Variants in WDR59 observed in about 807,000 individuals in gnomAD.
WDR59 encodes GATOR2 complex protein WDR59.
WDR59 carries 100 observed loss-of-function variants against 131.2 expected under a neutral mutation model. That is an observed-to-expected ratio of 0.76 (90% CI 0.65 to 0.90). The LOEUF is 0.90. Ranked by LOEUF, WDR59 falls within the 40% of genes least tolerant of loss-of-function variation. The pLI, the probability that WDR59 is intolerant of heterozygous loss-of-function variation, is 0.00. For synonymous variants in WDR59, 601 were observed against 466.2 expected, an observed-to-expected ratio of 1.29 and a Z score of -3.72; for missense variants, 1,203 against 1,262.2, an observed-to-expected ratio of 0.95 and a Z score of 0.71.
At chr16:74,894,446 C>G (rs554613122) in intron 18 of WDR59, among the ~76,000 whole-genome samples, 123 of 152,178 alleles carry the variant, frequency 8.1e-4, no homozygotes, top group African/African-American at 2.7e-3. Flanking sequence ...TTCGATTTCC[C>G]CAGGCTTACC....
intron 8 of WDR59, among the ~76,000 whole-genome samples, chr16:74,930,081 T>C (rs2031242826): frequency 6.6e-6 from 1 of 152,122 alleles, no homozygotes; most frequent in African/African-American, 2.4e-5. Context: ...GGATGGTTAA[T>C]GGGTAGAAAA....
intron 10 of WDR59, among the ~76,000 whole-genome samples, chr16:74,919,131 G>A (rs984425710): frequency 1.3e-5 from 2 of 151,986 alleles, no homozygotes; most frequent in African/African-American, 4.8e-5. Flanking sequence ...TGGTCCCAAG[G>A]GGCCCTTTGC....
rs867722470 is a variant in WDR59 at position 74,877,534 on chromosome 16, G to T, written c.2690-3090C>A. 3.9e-5 allele frequency among the ~76,000 whole-genome samples: 6 copies of T among 152,162 alleles called. No individual in the cohort carries two copies. The East Asian group carries it at 5.8e-4, about 15-fold the overall frequency. ...TTATTTACTGCTCTGTTTATTTATT[G>T]ATTGATTGATTTTTATTTATTTATT... On this transcript the variant is annotated intron_variant, in intron 25 of 25. Coordinates refer to ENST00000262144, the MANE Select transcript of WDR59 (RefSeq NM_030581.4).
chr16:74,922,135 G>A (rs192860182), intron 9 of WDR59, 32 bp from the exon 10 acceptor site: 1,508 of 1,612,396 alleles, frequency 9.4e-4, no homozygotes, highest in Admixed American at 1.2e-3. Flanking sequence ...CAGGTGATTA[G>A]ATTATTTCAG....
intron 1 of WDR59, among the ~76,000 whole-genome samples, chr16:74,976,465 C>T (rs1187730580): frequency 2.1e-5 from 3 of 144,716 alleles, no homozygotes; most frequent in African/African-American, 5.1e-5. Flanking sequence ...TCTTTTGAGA[C>T]GCAGCCTTAC....
chr16:74,923,953 C>T lies in WDR59; in HGVS notation c.702G>A (p.Gln234=), dbSNP rs773048504. 1 of 1,613,736 alleles carries T rather than the reference C, an allele frequency of 6.2e-7. No homozygotes were observed. Among genetic ancestry groups the T allele is most frequent in the East Asian group, 2.2e-5 (1 of 44,888 alleles). The change falls in exon 9 of 26, where the codon CAG becomes CAA. Residue 234 remains glutamine, a synonymous_variant. Coordinates refer to ENST00000262144, the MANE Select transcript of WDR59 (RefSeq NM_030581.4). ...TGTATCTGGCCTTCCAGACAGGCAC[C>T]TGGCAAGGAAGAATATTGAGGTATT... is the stretch of plus-strand genomic sequence containing the variant. ...PRKYLNILPC[Q]VPVWKARYTP...
intron 1 of WDR59, among the ~76,000 whole-genome samples, chr16:74,981,660 A>ATATAT (rs1567451007): frequency 1.2e-5 from 1 of 80,862 alleles, no homozygotes; most frequent in African/African-American, 7.4e-5. Context: ...ATATATATAT[A>ATATAT]TTTTTTTTTT....
At chr16:74,959,031 C>A (rs534302043) in intron 2 of WDR59, among the ~76,000 whole-genome samples, 1 of 152,220 alleles carries the variant, frequency 6.6e-6, no homozygotes, top group East Asian at 1.9e-4. Flanking sequence ...TGCACTCCAG[C>A]CCGGGCAACA....
chr16:74,965,939 C>A, intron 1 of WDR59, 117 bp from the exon 2 acceptor site: 2 of 985,918 alleles, frequency 2.0e-6, no homozygotes, highest in South Asian at 1.4e-5. Flanking sequence ...TCGCAGGTAT[C>A]ATTAGTTCTC....
intron 4 of WDR59, among the ~76,000 whole-genome samples, chr16:74,950,171 G>A (rs964139398): frequency 5.3e-5 from 8 of 152,010 alleles, no homozygotes; most frequent in East Asian, 1.9e-4. Flanking sequence ...GTGAAACCCC[G>A]TCTCTACTAA....
intron 2 of WDR59, among the ~76,000 whole-genome samples, chr16:74,961,232 C>G (rs981178762): frequency 2.0e-5 from 3 of 151,902 alleles, no homozygotes; most frequent in Admixed American, 1.3e-4. Context: ...CACTTGAGCC[C>G]TGGAAGTCGA....
At chr16:74,968,723 T>TCAAAACAAAA (rs746599660) in intron 1 of WDR59, among the ~76,000 whole-genome samples, 12 of 151,978 alleles carry the variant, frequency 7.9e-5, no homozygotes, top group Admixed American at 4.6e-4. Flanking sequence ...AGACTCTGTC[T>TCAAAACAAAA]CAAAACAAAA....
chr16:74,890,834 C>T (rs573512305), intron 20 of WDR59, among the ~76,000 whole-genome samples: 36 of 152,014 alleles, frequency 2.4e-4, no homozygotes, highest in Admixed American at 1.3e-3. Context: ...AAATCAAATA[C>T]GGCGGGCCCT....
At position 74,985,026 on chromosome 16, in the gene WDR59, C is replaced by T. The variant is rs1216627448; in HGVS notation, c.-9G>A. 1.3e-6 allele frequency: 2 copies of T among 1,568,442 alleles called. No homozygotes were observed. Among genetic ancestry groups the T allele is most frequent in the Non-Finnish European group, 1.7e-6 (2 of 1,156,418 alleles). On this transcript the variant is annotated 5_prime_UTR_variant, in exon 1 of 26. Transcript: ENST00000262144. ...CTCCATCGCGCCGCCATCTCCCCCGCCCGGCCGCCGCGGCCCCAGGACGGC... is the reference window on the plus strand; with the variant it reads ...CTCCATCGCGCCGCCATCTCCCCCGTCCGGCCGCCGCGGCCCCAGGACGGC...
chr16:74,956,490 G>T lies in WDR59; in HGVS notation c.225C>A (p.His75Gln). 1 of 1,613,330 alleles carries T rather than the reference G, an allele frequency of 6.2e-7. No homozygotes were observed. Among genetic ancestry groups the T allele is most frequent in the South Asian group, 1.1e-5 (1 of 90,814 alleles). ...ATAAGCTCACCGAAGCCGCAAAATA[G>T]TGTGCAAAGCTGTCATGAGGATTCC... ...VQWNPHDSFA[H>Q]YFAASSNQRV... is the part of the protein sequence containing the mutation. The change falls in exon 3 of 26, where the codon CAC becomes CAA. Residue 75 changes from histidine (H) to glutamine (Q), a missense_variant. Physicochemically the swap from His to Gln is conservative, Grantham distance 24. Transcript: ENST00000262144.
At chr16:74,951,607 G>C (rs2033005167) in intron 3 of WDR59, 64 bp from the exon 4 acceptor site, 3 of 1,429,994 alleles carry the variant, frequency 2.1e-6, no homozygotes, top group Non-Finnish European at 2.9e-6. Context: ...GCCCCAATCA[G>C]CTTAAGGCAG....
At chr16:74,962,192 C>T (rs904588919) in intron 2 of WDR59, among the ~76,000 whole-genome samples, 1 of 152,202 alleles carries the variant, frequency 6.6e-6, no homozygotes, top group East Asian at 1.9e-4. Context: ...GTTACTGTAG[C>T]CTTGTAGGAT....
rs1473685029 is a variant in WDR59 at position 74,888,197 on chromosome 16, G to A, written c.2318C>T (p.Ser773Phe). The change falls in exon 22 of 26, where the codon TCT (serine) becomes TTT (phenylalanine). Residue 773 changes from serine to phenylalanine, a missense_variant. Coordinates refer to ENST00000262144, the MANE Select transcript of WDR59 (RefSeq NM_030581.4). ...NPFGPFPNRS[S>F]NLVVSHSRYP... ...TCGACTATGGGACACCACAAGATTA[G>A]AAGAACGGTTAGGAAAAGGCCCAAA... 2.5e-6 allele frequency: 4 copies of A among 1,612,150 alleles called. No homozygotes were observed. The highest frequency in any genetic ancestry group is 1.3e-5 in the African/African-American group (1 of 74,510).
chr16:74,887,349 A>G (rs1386907408), intron 23 of WDR59, among the ~76,000 whole-genome samples: 1 of 152,110 alleles, frequency 6.6e-6, no homozygotes, highest in South Asian at 2.1e-4. Flanking sequence ...GAAAGCATTC[A>G]TGGGAAGCGG....
Sources: allele counts gnomAD v4.1 joint callset (sites outside exome capture counted in the v4.1 genomes callset), GRCh38; gene constraint gnomAD v4.1.1; transcripts MANE v1.5; gene names NCBI Gene and HGNC (gene_info 2026-07-23, HGNC 2026-07-21).